RAB7A: variants seen among roughly 807,000 people sequenced by gnomAD.
The protein encoded by RAB7A is ras-related protein Rab-7a.
In RAB7A, 2 loss-of-function variants were observed where a neutral mutation model predicts 24.5. The ratio of observed to expected loss-of-function variants is 0.08; its 90% CI spans 0.03 to 0.26. RAB7A has a LOEUF of 0.26. Among genes scored for constraint, RAB7A ranks in the 10% least tolerant of loss-of-function variants. RAB7A has a pLI of 1.00. For synonymous variants in RAB7A, 100 were observed against 95.9 expected (o/e 1.04, Z -0.25); for missense variants, 118 against 255.7 (o/e 0.46, Z 3.67).
At chr3:128,752,034 G>A (rs1297833265) in intron 1 of RAB7A, among the ~76,000 whole-genome samples, 1 of 152,220 alleles carries the variant, frequency 6.6e-6, no homozygotes, top group Non-Finnish European at 1.5e-5. Flanking sequence ...CCCCAGCCAT[G>A]TAGAATTGTA....
chr3:128,797,884 C>T (rs1010927503), intron 2 of RAB7A, 59 bp from the exon 3 acceptor site: 45 of 1,582,722 alleles, frequency 2.8e-5, no homozygotes, highest in African/African-American at 2.7e-4. Context: ...TCAAGTAATT[C>T]GTGTCAGTTT....
chr3:128,746,252 C>T (rs752520613), intron 1 of RAB7A, among the ~76,000 whole-genome samples: 6 of 152,054 alleles, frequency 3.9e-5, no homozygotes, highest in African/African-American at 7.2e-5. Flanking sequence ...GTGGGTTCAA[C>T]TGTTTATTTT....
At chr3:128,789,051 G>T (rs1028937052) in intron 1 of RAB7A, among the ~76,000 whole-genome samples, 1 of 152,208 alleles carries the variant, frequency 6.6e-6, no homozygotes, top group Non-Finnish European at 1.5e-5. Context: ...GCTCTGAGGA[G>T]CTTCTTCCGA....
chr3:128,759,265 G>A (rs1278426264), intron 1 of RAB7A, among the ~76,000 whole-genome samples: 1 of 152,196 alleles, frequency 6.6e-6, no homozygotes, highest in Non-Finnish European at 1.5e-5. Context: ...TCCTCATAAT[G>A]TGGCAGGAAT....
At chr3:128,745,773 A>G (rs2107588494) in intron 1 of RAB7A, among the ~76,000 whole-genome samples, 1 of 152,284 alleles carries the variant, frequency 6.6e-6, no homozygotes, top group East Asian at 1.9e-4. Context: ...GGAGGGACTC[A>G]CCCCTTACTT....
intron 1 of RAB7A, among the ~76,000 whole-genome samples, chr3:128,736,155 CTCTTT>C (rs1404936469): frequency 6.6e-6 from 1 of 150,618 alleles, no homozygotes; most frequent in Non-Finnish European, 1.5e-5. Flanking sequence ...TTTGATTTGT[CTCTTT>C]TTTTTTTTTT....
At chr3:128,808,330 A>C (rs1251233823) in intron 5 of RAB7A, among the ~76,000 whole-genome samples, 4 of 152,176 alleles carry the variant, frequency 2.6e-5, no homozygotes, top group African/African-American at 9.7e-5. Context: ...ACTGTACTCC[A>C]TCCTGGGTGA....
Position 128,808,637 on chromosome 3 carries a change from A to G in RAB7A, c.528+966A>G, listed in dbSNP as rs149017278. ...AGATACAACCACTCATGCGAGTTGAAAGTCTGTTTTGATGTACAGCTCTGT... is the reference window on the plus strand; with the variant it reads ...AGATACAACCACTCATGCGAGTTGAGAGTCTGTTTTGATGTACAGCTCTGT... On this transcript the variant is annotated intron_variant, in intron 5 of 5. Coordinates refer to ENST00000265062, the MANE Select transcript of RAB7A (RefSeq NM_004637.6). 1.1e-3 allele frequency among the ~76,000 whole-genome samples: 175 copies of G among 152,302 alleles called. 1 individual carries two copies. Among genetic ancestry groups the G allele is most frequent in the African/African-American group, 3.8e-3 (159 of 41,556 alleles).
At chr3:128,772,146 A>C (rs368735943) in intron 1 of RAB7A, among the ~76,000 whole-genome samples, 1 of 152,260 alleles carries the variant, frequency 6.6e-6, no homozygotes, top group Non-Finnish European at 1.5e-5. Flanking sequence ...AGTAATGTCG[A>C]AATGAACACA....
At chr3:128,795,768 T>TTTTTTTTTTTTTTTTTTTTTTTTTTG (rs1576298976) in intron 2 of RAB7A, among the ~76,000 whole-genome samples, 1 of 129,930 alleles carries the variant, frequency 7.7e-6, no homozygotes, top group Non-Finnish European at 1.6e-5. Context: ...TTTTTTTTTT[T>TTTTTTTTTTTTTTTTTTTTTTTTTTG]GGAGACAGAG....
At chr3:128,807,520 G>T in intron 4 of RAB7A, 23 bp from the exon 5 acceptor site, 1 of 1,613,662 alleles carries the variant, frequency 6.2e-7, no homozygotes, top group South Asian at 1.1e-5. Flanking sequence ...ATGAGCCTAT[G>T]TGCACCCTGC....
chr3:128,789,279 G>C (rs992729373), intron 1 of RAB7A, among the ~76,000 whole-genome samples: 6 of 151,056 alleles, frequency 4.0e-5, no homozygotes, highest in African/African-American at 1.2e-4. Context: ...GGAAGTGGTC[G>C]GTGCTTTAGA....
chr3:128,783,247 A>G (rs1390379607), intron 1 of RAB7A, among the ~76,000 whole-genome samples: 1 of 84,052 alleles, frequency 1.2e-5, no homozygotes, highest in Non-Finnish European at 2.3e-5. Flanking sequence ...CACCTGCTCT[A>G]TCCTCCTCCT....
In RAB7A at chr3:128,806,520, C is replaced by T; in HGVS notation, c.329C>T (p.Ala110Val). ...DSWRDEFLIQ[A>V]SPRDPENFPF... ...TGGAGAGATGAGTTTCTCATCCAGG[C>T]CAGTCCCCGAGATCCTGAAAACTTC... The change falls in exon 4 of 6, where the codon GCC becomes GTC. Residue 110 changes from alanine to valine, a missense_variant. Ala to Val is a moderately conservative substitution (Grantham distance 64). Transcript: ENST00000265062. The T allele has an allele frequency of 6.2e-7, 1 of 1,614,052 alleles. No homozygotes were observed. The highest frequency in any genetic ancestry group is 1.7e-5 in the Admixed American group (1 of 60,008).
chr3:128,807,500 T>C, intron 4 of RAB7A, 43 bp from the exon 5 acceptor site: 1 of 1,612,908 alleles, frequency 6.2e-7, no homozygotes, highest in Non-Finnish European at 8.5e-7. Flanking sequence ...CAGTGCTGGC[T>C]GCTTCTGTCA....
Position 128,786,261 on chromosome 3 carries a change from A to G in RAB7A, c.-8-9099A>G, listed in dbSNP as rs991091262. 3.3e-5 allele frequency among the ~76,000 whole-genome samples: 5 copies of G among 152,212 alleles called. No homozygotes were observed. The East Asian group carries it at 9.6e-4, about 29-fold the overall frequency. Reference sequence around the variant, plus strand: ...AGTGGTAGTGATGTCTTGCTGTTTCAGGGGGTCTTCACTATTCAGGCCCTA... The same window carrying G: ...AGTGGTAGTGATGTCTTGCTGTTTCGGGGGGTCTTCACTATTCAGGCCCTA... On this transcript the variant is annotated intron_variant, in intron 1 of 5. Transcript: ENST00000265062.
chr3:128,788,193 A>G (rs1933381316), intron 1 of RAB7A, among the ~76,000 whole-genome samples: 1 of 152,242 alleles, frequency 6.6e-6, no homozygotes, highest in South Asian at 2.1e-4. Flanking sequence ...CAAGTAACTC[A>G]TAATTGACTT....
intron 1 of RAB7A, among the ~76,000 whole-genome samples, chr3:128,757,674 C>T (rs891330639): frequency 3.3e-5 from 5 of 151,998 alleles, no homozygotes; most frequent in African/African-American, 4.8e-5. Context: ...CCCACCACCA[C>T]GCCCAGCTAA....
intron 1 of RAB7A, among the ~76,000 whole-genome samples, chr3:128,745,130 T>TC (rs1233623202): frequency 1.3e-5 from 2 of 152,042 alleles, no homozygotes; most frequent in Non-Finnish European, 2.9e-5. Context: ...CGTCTCGGCC[T>TC]CCCAAAGTGC....
Sources: allele counts gnomAD v4.1 joint callset (sites outside exome capture counted in the v4.1 genomes callset), GRCh38; gene constraint gnomAD v4.1.1; transcripts MANE v1.5; gene names NCBI Gene and HGNC (gene_info 2026-07-23, HGNC 2026-07-21).